The following VWA5B1 variants were observed in gnomAD, a reference collection of about 807,000 sequenced individuals.
The protein encoded by VWA5B1 is von Willebrand factor A domain containing 5B1, also known as von Willebrand factor A domain-containing protein 5B1.
VWA5B1 carries 115 observed loss-of-function variants against 118.2 expected under a neutral mutation model. That is an observed-to-expected ratio of 0.97 (90% CI 0.84 to 1.14). The LOEUF is 1.14. VWA5B1 is among the 50% of genes most tolerant of loss of function. The probability of loss-of-function intolerance (pLI) is 0.00; values close to 1 mark genes in which losing one functional copy is unlikely to be tolerated. For missense variants in VWA5B1, 1,596 were observed against 1,603.8 expected, an observed-to-expected ratio of 1.00 and a Z score of 0.08; for synonymous variants, 682 against 658.4, an observed-to-expected ratio of 1.04 and a Z score of -0.55.
chr1:20,359,036 T>C lies in VWA5B1; in HGVS notation c.*4773T>C, dbSNP rs1467812339. ...AGCACTGCCTCCCCGGGTTACCCGA[T>C]GAGGTGGGATTTTTCTCCTGTTCAT... On this transcript the variant is annotated 3_prime_UTR_variant, in exon 22 of 22. Coordinates refer to ENST00000289815, the MANE Select transcript of VWA5B1 (RefSeq NM_001039500.3). Among the ~76,000 whole-genome samples the C allele has an allele frequency of 6.6e-6, 1 of 152,206 alleles. No homozygotes were observed. Among genetic ancestry groups the C allele is most frequent in the Non-Finnish European group, 1.5e-5 (1 of 68,010 alleles).
At chr1:20,337,956 TC>T (rs1486370319) in intron 14 of VWA5B1, 120 bp downstream of exon 14, 3 of 1,266,996 alleles carry the variant, frequency 2.4e-6, no homozygotes, top group Non-Finnish European at 3.4e-6. Context: ...AGTGAGTCAC[TC>T]CCTCTTTCCT....
chr1:20,331,070 G>T (rs2089540006), intron 11 of VWA5B1, 87 bp downstream of exon 11: 3 of 1,139,142 alleles, frequency 2.6e-6, no homozygotes, highest in East Asian at 2.6e-5. Flanking sequence ...GGTGGAGCTG[G>T]GATGACACCC....
In VWA5B1 at chr1:20,313,012, G is replaced by A. The variant is rs1479993608; in HGVS notation, c.292+24G>A. The A allele has an allele frequency of 1.4e-5, 21 of 1,546,698 alleles. 1 individual carries two copies. In the South Asian group the frequency reaches 2.0e-4, roughly 15 times the overall value. On this transcript the variant is annotated intron_variant, in intron 3 of 21. Coordinates refer to ENST00000289815, the MANE Select transcript of VWA5B1 (RefSeq NM_001039500.3). ...AGGTAAGGAGACCAGAAGGGCTGCC[G>A]CGGGACCTGGGTTTGGCCAGCCAGA...
At chr1:20,319,247 A>G (rs2100872024) in intron 6 of VWA5B1, 135 bp from the exon 7 acceptor site, 1 of 1,319,192 alleles carries the variant, frequency 7.6e-7, no homozygotes, top group Non-Finnish European at 1.0e-6. Flanking sequence ...ACACTGCTTC[A>G]GGCAGCCAGG....
intron 2 of VWA5B1, 121 bp downstream of exon 2, chr1:20,310,861 T>C: frequency 7.5e-7 from 1 of 1,332,170 alleles, no homozygotes; most frequent in Non-Finnish European, 9.9e-7. Context: ...GTCTGTTTCC[T>C]CATCTATAAA....
chr1:20,305,707 T>C (rs1172325503), intron 1 of VWA5B1, among the ~76,000 whole-genome samples: 2 of 151,856 alleles, frequency 1.3e-5, no homozygotes, highest in Admixed American at 6.6e-5. Context: ...GGCACAGAAT[T>C]ACAGAGCTTC....
chr1:20,320,646 CT>C (rs2089181168), intron 7 of VWA5B1, among the ~76,000 whole-genome samples: 1 of 152,244 alleles, frequency 6.6e-6, no homozygotes, highest in African/African-American at 2.4e-5. Flanking sequence ...AACTTGCCAC[CT>C]TGGGGTGGTT....
chr1:20,347,295 T>C (rs1264379350), intron 17 of VWA5B1, among the ~76,000 whole-genome samples: 2 of 152,256 alleles, frequency 1.3e-5, no homozygotes, highest in Admixed American at 6.5e-5. Flanking sequence ...ATCAAGAGGC[T>C]CAGAGAATGG....
chr1:20,324,043 A>G (rs953377574), intron 8 of VWA5B1, among the ~76,000 whole-genome samples: 8 of 152,208 alleles, frequency 5.3e-5, no homozygotes, highest in African/African-American at 1.7e-4. Flanking sequence ...TGTCTCCCTG[A>G]CTGTCCCCAC....
At chr1:20,326,061 G>C (rs2089369502) in intron 8 of VWA5B1, among the ~76,000 whole-genome samples, 1 of 152,218 alleles carries the variant, frequency 6.6e-6, no homozygotes, top group African/African-American at 2.4e-5. Flanking sequence ...GAGACAATCT[G>C]TATGGATCAG....
chr1:20,301,815 A>G (rs1357746716), intron 1 of VWA5B1, among the ~76,000 whole-genome samples: 1 of 152,078 alleles, frequency 6.6e-6, no homozygotes, highest in Non-Finnish European at 1.5e-5. Context: ...GTGTACACTG[A>G]ATTTGTGTAA....
rs1243601623 is a variant in VWA5B1 at position 20,291,355 on chromosome 1, TTCTTTCTC to T, written c.-27+271_-27+278del. 7.6e-3 allele frequency among the ~76,000 whole-genome samples: 533 copies of T among 69,860 alleles called. 6 individuals are homozygous for T. Among genetic ancestry groups the T allele is most frequent in the African/African-American group, 0.037 (506 of 13,498 alleles). The allele number at this position is 69,860 out of a possible 152,430, so 45.8% of individuals were successfully genotyped here. Reference sequence around the variant, plus strand: ...TCTCTCTCTCTCTTTCTTTCTTTCTTTCTTTCTCTCTCTCTCTCTCTCTCTCTCTCTTT... The same window carrying T: ...TCTCTCTCTCTCTTTCTTTCTTTCTTTCTCTCTCTCTCTCTCTCTCTCTTT... On this transcript the variant is annotated intron_variant, in intron 1 of 21. Coordinates refer to ENST00000289815, the MANE Select transcript of VWA5B1 (RefSeq NM_001039500.3).
At chr1:20,324,004 A>G (rs2089300469) in intron 8 of VWA5B1, among the ~76,000 whole-genome samples, 1 of 152,250 alleles carries the variant, frequency 6.6e-6, no homozygotes, top group African/African-American at 2.4e-5. Context: ...CCAAGGTCAC[A>G]TGGCCACTGT....
At chr1:20,309,422 G>A (rs933802135) in intron 1 of VWA5B1, among the ~76,000 whole-genome samples, 4 of 152,224 alleles carry the variant, frequency 2.6e-5, no homozygotes, top group African/African-American at 4.8e-5. Context: ...TGACCATGAA[G>A]GATGAGTAGG....
At chr1:20,325,632 G>A (rs147490643) in intron 8 of VWA5B1, among the ~76,000 whole-genome samples, 4 of 152,210 alleles carry the variant, frequency 2.6e-5, no homozygotes, top group East Asian at 1.9e-4. Context: ...CAGAATTCTC[G>A]GACAATAACT....
chr1:20,350,783 TC>T (rs2090113209), intron 19 of VWA5B1, 73 bp from the exon 20 acceptor site: 21 of 1,417,502 alleles, frequency 1.5e-5, no homozygotes, highest in Admixed American at 2.0e-5. Flanking sequence ...AGGCCTCTGT[TC>T]CCCCAGTTGG....
intron 21 of VWA5B1, 146 bp downstream of exon 21, chr1:20,352,318 C>T (rs1175595180): frequency 1.6e-6 from 1 of 634,934 alleles, no homozygotes; most frequent in African/African-American, 1.9e-5. Context: ...TTTGAGGTTT[C>T]CTAGAGCTTC....
At chr1:20,337,605 C>T (rs753567763) in intron 13 of VWA5B1, 41 bp from the exon 14 acceptor site, 2 of 1,514,526 alleles carry the variant, frequency 1.3e-6, no homozygotes, top group Non-Finnish European at 1.8e-6. Context: ...TCTTTCCCTG[C>T]TGTCCCACTC....
intron 2 of VWA5B1, among the ~76,000 whole-genome samples, chr1:20,311,272 T>C (rs971934253): frequency 2.0e-5 from 3 of 152,236 alleles, no homozygotes; most frequent in Non-Finnish European, 4.4e-5. Context: ...AGCGCCAGAC[T>C]GTCCCTGCAT....
Sources: gnomAD v4.1 joint callset for allele counts (sites outside exome capture counted in the v4.1 genomes callset) on GRCh38, gnomAD v4.1.1 for gene constraint, MANE v1.5 for transcripts, NCBI Gene and HGNC (gene_info 2026-07-23, HGNC 2026-07-21) for gene names.